PHKA2: variants seen among roughly 807,000 people sequenced by gnomAD.
PHKA2 encodes phosphorylase kinase regulatory subunit alpha 2, also known as phosphorylase b kinase regulatory subunit alpha, liver isoform.
In PHKA2, 31 loss-of-function variants were observed where a neutral mutation model predicts 102.0. That is an observed-to-expected ratio of 0.30 (90% confidence interval 0.23 to 0.41). The LOEUF (loss-of-function observed/expected upper bound fraction) is 0.41. Ranked by LOEUF, PHKA2 falls within the 10% of genes least tolerant of loss-of-function variation. The pLI is 1.00. For missense variants in PHKA2, 858 were observed against 1,023.1 expected (o/e 0.84, Z 2.20); for synonymous variants, 455 against 416.2 (o/e 1.09, Z -1.13).
Position 18,899,180 on chromosome X carries a change from T to C in PHKA2, c.3104A>G (p.Lys1035Arg). ...ATCCCGAGGCACTGTTACCGCAGAC[T>C]TGGAGGAATGCGCACTGCTGGACGC... ...QAASSSAHSSKSARSSTPSSP... is the reference protein window; with the variant it reads ...QAASSSAHSSRSARSSTPSSP... The change falls in exon 29 of 33, where the codon AAG becomes AGG. Residue 1035 changes from lysine to arginine, a missense_variant. Lys to Arg is a conservative substitution (Grantham distance 26). Transcript: ENST00000379942. The C allele has an allele frequency of 1.7e-6, 2 of 1,208,659 alleles. No individual in the cohort carries two copies. The highest frequency in any genetic ancestry group is 2.2e-6 in the Non-Finnish European group (2 of 892,933).
Position 18,948,804 on chromosome X carries a change from G to A in PHKA2, c.477C>T (p.Leu159=), listed in dbSNP as rs187396860. 1.4e-4 allele frequency: 165 copies of A among 1,190,225 alleles called. No individual in the cohort carries two copies. Among genetic ancestry groups the A allele is most frequent in the Non-Finnish European group, 1.7e-4 (152 of 878,099 alleles). ...GATTCTGTATGAAGGCCACCTCATCGAGAGTGAAAATGATACGTAAGCCTA... is the reference window on the plus strand; with the variant it reads ...GATTCTGTATGAAGGCCACCTCATCAAGAGTGAAAATGATACGTAAGCCTA... ...TASGLRIIFT[L]DEVAFIQNLV... The change falls in exon 5 of 33, where the codon CTC becomes CTT. Residue 159 remains leucine (L), a synonymous_variant. Coordinates refer to ENST00000379942, the MANE Select transcript of PHKA2 (RefSeq NM_000292.3).
chrX:18,935,683 A>C (rs2048381793), intron 11 of PHKA2, among the ~76,000 whole-genome samples: 1 of 106,244 alleles, frequency 9.4e-6, no homozygotes, highest in Admixed American at 1.0e-4. Context: ...GCTCATTGCA[A>C]CCTCCACCTC....
At chrX:18,981,594 A>C (rs752877814) in intron 1 of PHKA2, among the ~76,000 whole-genome samples, 1 of 111,109 alleles carries the variant, frequency 9.0e-6, no homozygotes, top group East Asian at 2.9e-4. Flanking sequence ...ATGCAAAGGA[A>C]GGAAACTGAT....
chrX:18,977,250 CA>C lies in PHKA2; in HGVS notation c.78+6604del, dbSNP rs202154751. ...CTTTCTAATTTTCTTGCATTTTGGCCAAAAAAAAATGTGGCATGCATAAAGT... is the reference window on the plus strand; with the variant it reads ...CTTTCTAATTTTCTTGCATTTTGGCCAAAAAAAATGTGGCATGCATAAAGT... On this transcript the variant is annotated intron_variant, in intron 1 of 32. Transcript: ENST00000379942. 1.3e-4 allele frequency among the ~76,000 whole-genome samples: 14 copies of C among 108,686 alleles called. No individual in the cohort carries two copies. The South Asian group carries it at 3.4e-3, about 26-fold the overall frequency. The allele number at this position is 108,686 out of a possible 115,157, so 94.4% of individuals were successfully genotyped here.
intron 10 of PHKA2, among the ~76,000 whole-genome samples, chrX:18,938,296 T>C (rs2048425274): frequency 1.8e-5 from 2 of 111,880 alleles, no homozygotes; most frequent in Admixed American, 9.4e-5. Flanking sequence ...CACAGCTGAG[T>C]TCCCAGCATC....
At chrX:18,968,617 G>A (rs2048977241) in intron 1 of PHKA2, among the ~76,000 whole-genome samples, 1 of 110,196 alleles carries the variant, frequency 9.1e-6, no homozygotes, top group African/African-American at 3.4e-5. Flanking sequence ...TTGCCCATGT[G>A]TGATTTTATA....
At chrX:18,943,352 A>G (rs1017003450) in intron 7 of PHKA2, among the ~76,000 whole-genome samples, 1 of 111,882 alleles carries the variant, frequency 8.9e-6, no homozygotes, top group African/African-American at 3.3e-5. Context: ...CTCATCATTC[A>G]ATTTGGGGGC....
intron 20 of PHKA2, 44 bp downstream of exon 20, chrX:18,910,828 G>T: frequency 1.2e-6 from 1 of 819,956 alleles, no homozygotes; most frequent in Non-Finnish European, 1.8e-6. Flanking sequence ...ATCCTGCATT[G>T]TAGAACACCA....
intron 20 of PHKA2, among the ~76,000 whole-genome samples, chrX:18,910,402 C>T: frequency 9.0e-6 from 1 of 111,721 alleles, no homozygotes; most frequent in East Asian, 2.8e-4. Flanking sequence ...ATTGCCTGAG[C>T]CTGGAGGTTG....
At chrX:18,975,126 C>T in intron 1 of PHKA2, among the ~76,000 whole-genome samples, 1 of 111,469 alleles carries the variant, frequency 9.0e-6, no homozygotes, top group Middle Eastern at 4.6e-3. Context: ...GCCTACTTAT[C>T]ATTTCTACTT....
intron 17 of PHKA2, among the ~76,000 whole-genome samples, chrX:18,922,721 G>A: frequency 8.9e-6 from 1 of 111,749 alleles, no homozygotes; most frequent in East Asian, 2.8e-4. Context: ...AAGTAGAGTT[G>A]CTATTAATGG....
Position 18,954,335 on chromosome X carries a change from C to G in PHKA2, c.156G>C (p.Leu52=), listed in dbSNP as rs1322375408. The change falls in exon 2 of 33, where the codon CTG becomes CTC. Residue 52 remains leucine (L), a synonymous_variant. Transcript: ENST00000379942. ...AWVRDNIYSI[L]AVWGLGMAYR... ...AGGCCATGCCCAGGCCCCACACGGC[C>G]AGGATACTGTAGATGTTATCCCGCA... 8.3e-7 allele frequency: 1 copy of G among 1,211,542 alleles called. No individual in the cohort carries two copies. The highest frequency in any genetic ancestry group is 2.2e-5 in the Admixed American group (1 of 46,100).
chrX:18,978,359 C>G (rs2049120999), intron 1 of PHKA2, among the ~76,000 whole-genome samples: 1 of 111,362 alleles, frequency 9.0e-6, no homozygotes, highest in African/African-American at 3.3e-5. Context: ...TCCCCAGCAG[C>G]CTTTTCCTCC....
At chrX:18,943,053 T>G (rs1452205987) in intron 7 of PHKA2, among the ~76,000 whole-genome samples, 1 of 110,834 alleles carries the variant, frequency 9.0e-6, no homozygotes, top group Non-Finnish European at 1.9e-5. Context: ...AAACACAAAC[T>G]TCTACCAAAG....
At chrX:18,972,214 G>T (rs1039066049) in intron 1 of PHKA2, among the ~76,000 whole-genome samples, 5 of 111,941 alleles carry the variant, frequency 4.5e-5, no homozygotes, top group African/African-American at 9.7e-5. Context: ...ATTTTTTATT[G>T]AATAATCTAT....
chrX:18,907,634 G>A (rs902600702), intron 22 of PHKA2, among the ~76,000 whole-genome samples: 3 of 111,673 alleles, frequency 2.7e-5, no homozygotes, highest in Non-Finnish European at 3.8e-5. Flanking sequence ...CTAAGAGGCT[G>A]CCAGGCCACA....
At chrX:18,951,301 T>C (rs1342551164) in intron 3 of PHKA2, 29 bp from the exon 4 acceptor site, 5 of 1,192,253 alleles carry the variant, frequency 4.2e-6, no homozygotes, top group African/African-American at 1.8e-5. Context: ...CCGCTCTGCA[T>C]AGTTATGGGG....
chrX:18,976,764 G>A (rs1179093454), intron 1 of PHKA2, among the ~76,000 whole-genome samples: 1 of 111,237 alleles, frequency 9.0e-6, no homozygotes, highest in African/African-American at 3.3e-5. Context: ...CTGTGAATAA[G>A]GGGGACTCCT....
At chrX:18,949,854 C>T (rs535121686) in intron 4 of PHKA2, among the ~76,000 whole-genome samples, 1 of 112,450 alleles carries the variant, frequency 8.9e-6, no homozygotes, top group African/African-American at 3.2e-5. Context: ...AACGTAACTT[C>T]ATAAATGTGT....
Sources: allele counts gnomAD v4.1 joint callset (sites outside exome capture counted in the v4.1 genomes callset), GRCh38; gene constraint gnomAD v4.1.1; transcripts MANE v1.5; gene names NCBI Gene and HGNC (gene_info 2026-07-23, HGNC 2026-07-21).